The following CSMD1 variants were observed in gnomAD, a reference collection of about 807,000 sequenced individuals.
CSMD1 encodes CUB and sushi domain-containing protein 1.
A neutral mutation model predicts 417.5 loss-of-function variants in CSMD1; 213 were observed. The observed-to-expected ratio is 0.51, with a 90% CI of 0.46 to 0.57. The LOEUF (loss-of-function observed/expected upper bound fraction) is 0.57, where lower values mean the gene tolerates loss of function less well. Among genes scored for constraint, CSMD1 ranks in the 20% least tolerant of loss-of-function variants. The pLI is 0.00. For missense variants in CSMD1, 6,923 were observed against 4,529.7 expected, an observed-to-expected ratio of 1.53 and a Z score of -15.17; for synonymous variants, 2,862 against 1,736.8, an observed-to-expected ratio of 1.65 and a Z score of -16.11.
chr8:3,518,116 C>G (rs1194932788), intron 10 of CSMD1, among the ~76,000 whole-genome samples: 2 of 151,104 alleles, frequency 1.3e-5, no homozygotes, highest in Non-Finnish European at 2.9e-5. Flanking sequence ...ATTATAACTA[C>G]AAAACAATAT....
chr8:4,150,389 T>G (rs777284208), intron 3 of CSMD1, among the ~76,000 whole-genome samples: 3 of 152,202 alleles, frequency 2.0e-5, no homozygotes, highest in Non-Finnish European at 4.4e-5. Flanking sequence ...TGGCTACCTT[T>G]GGAAGTAATG....
intron 1 of CSMD1, among the ~76,000 whole-genome samples, chr8:4,723,756 C>G (rs1353804286): frequency 7.9e-6 from 1 of 127,118 alleles, no homozygotes; most frequent in Non-Finnish European, 1.6e-5. Flanking sequence ...CTGTAAGAAT[C>G]TAAAATGTAA....
At chr8:4,378,475 G>C (rs773138715) in intron 3 of CSMD1, among the ~76,000 whole-genome samples, 2 of 152,110 alleles carry the variant, frequency 1.3e-5, no homozygotes, top group African/African-American at 2.4e-5. Context: ...TGTCTCCCTA[G>C]TTTTTATCCC....
chr8:3,513,513 C>G (rs1019458691), intron 10 of CSMD1, among the ~76,000 whole-genome samples: 4 of 152,022 alleles, frequency 2.6e-5, no homozygotes, highest in Non-Finnish European at 4.4e-5. Flanking sequence ...GTCAATACTC[C>G]TTAATAAAAT....
At chr8:3,517,593 C>G (rs1310321367) in intron 10 of CSMD1, among the ~76,000 whole-genome samples, 1 of 152,160 alleles carries the variant, frequency 6.6e-6, no homozygotes, top group African/African-American at 2.4e-5. Flanking sequence ...ATACCAAATA[C>G]AGGCTGAGGG....
intron 49 of CSMD1, among the ~76,000 whole-genome samples, chr8:3,062,571 C>A (rs1460865649): frequency 1.4e-5 from 2 of 144,112 alleles, no homozygotes; most frequent in Non-Finnish European, 1.5e-5. Flanking sequence ...AAAAAAAAAG[C>A]CCAGCAGCTA....
chr8:3,000,216 TA>T, intron 52 of CSMD1, 85 bp from the exon 53 acceptor site: 1 of 939,754 alleles, frequency 1.1e-6, no homozygotes, highest in Non-Finnish European at 1.5e-6. Context: ...ATCAAGTCAA[TA>T]ACAGTATTGA....
intron 7 of CSMD1, among the ~76,000 whole-genome samples, chr8:3,621,057 G>C (rs1053285055): frequency 2.0e-5 from 3 of 152,116 alleles, no homozygotes; most frequent in Non-Finnish European, 4.4e-5. Context: ...AATACATAAA[G>C]GAAAGTCCAT....
At chr8:3,241,884 G>A (rs1357548423) in intron 26 of CSMD1, among the ~76,000 whole-genome samples, 1 of 151,846 alleles carries the variant, frequency 6.6e-6, no homozygotes. Context: ...CCTGTTGTGG[G>A]GTTTGAGGGC....
chr8:4,650,645 T>C (rs543654039), intron 1 of CSMD1, among the ~76,000 whole-genome samples: 118 of 143,378 alleles, frequency 8.2e-4, no homozygotes, highest in Non-Finnish European at 1.5e-3. Flanking sequence ...TTCGAGTCTG[T>C]GGCCTTGAGT....
intron 18 of CSMD1, among the ~76,000 whole-genome samples, chr8:3,374,911 G>A (rs960609165): frequency 1.3e-5 from 2 of 152,154 alleles, no homozygotes; most frequent in African/African-American, 4.8e-5. Context: ...TTGTTGCCTG[G>A]AACTCAGAAA....
chr8:4,184,914 G>T (rs772709786), intron 3 of CSMD1, among the ~76,000 whole-genome samples: 1 of 151,974 alleles, frequency 6.6e-6, no homozygotes, highest in Non-Finnish European at 1.5e-5. Context: ...CCTCTGGGTG[G>T]ATCACCTGAG....
intron 2 of CSMD1, among the ~76,000 whole-genome samples, chr8:4,572,420 T>C (rs1452098170): frequency 6.6e-6 from 1 of 152,198 alleles, no homozygotes; most frequent in Admixed American, 6.5e-5. Flanking sequence ...AAAATACTTT[T>C]CTTCAAGAAT....
chr8:3,649,315 T>C (rs1797729373), intron 7 of CSMD1, among the ~76,000 whole-genome samples: 1 of 152,212 alleles, frequency 6.6e-6, no homozygotes, highest in Non-Finnish European at 1.5e-5. Flanking sequence ...CTCTTACAAA[T>C]CTACCTGCAT....
rs959682987 is a variant in CSMD1, at chr8:3,129,986, AAAAAG to A, written c.6242-11404_6242-11400del. Reference sequence around the variant, plus strand: ...ACAGAGTGAGACTCTGTCCCAAAAAAAAAAGAAAAGAAAAGTTAAATGTTGAATAT... The same window carrying A: ...ACAGAGTGAGACTCTGTCCCAAAAAAAAAAGAAAAGTTAAATGTTGAATAT... On this transcript the variant is annotated intron_variant, in intron 41 of 69. Transcript: ENST00000635120. 7.7e-4 allele frequency among the ~76,000 whole-genome samples: 118 copies of A among 152,266 alleles called. 2 individuals are homozygous for A. Among genetic ancestry groups the A allele is most frequent in the Non-Finnish European group, 5.1e-4 (35 of 68,016 alleles).
chr8:4,174,056 G>T (rs1584957298), intron 3 of CSMD1, among the ~76,000 whole-genome samples: 1 of 152,248 alleles, frequency 6.6e-6, no homozygotes, highest in African/African-American at 2.4e-5. Context: ...TTTAGGCCTG[G>T]GCCACCTGCC....
intron 18 of CSMD1, among the ~76,000 whole-genome samples, chr8:3,379,356 C>A (rs1218320387): frequency 6.6e-6 from 1 of 152,202 alleles, no homozygotes; most frequent in East Asian, 1.9e-4. Flanking sequence ...CTATCCCCAT[C>A]AAGCTACCAT....
At position 3,219,327 on chromosome 8, in the gene CSMD1, C is replaced by T. The variant is rs774972354; in HGVS notation, c.4600G>A (p.Gly1534Arg). ...SQAPERIESS[G>R]NSLFLAFRSD... ...CGAAATGCCAGAAACAGGCTGTTTC[C>T]GCTACTCTCTATTCTTTCTGGGGCC... Residue 1534 changes from glycine to arginine, a missense_variant, in exon 29 of 70, where the codon GGA becomes AGA. Coordinates refer to ENST00000635120, the MANE Select transcript of CSMD1 (RefSeq NM_033225.6). The T allele has an allele frequency of 2.3e-5, 37 of 1,586,140 alleles. No individual in the cohort carries two copies. Among genetic ancestry groups the T allele is most frequent in the African/African-American group, 2.7e-5 (2 of 74,442 alleles).
intron 11 of CSMD1, among the ~76,000 whole-genome samples, chr8:3,489,537 A>T (rs887297974): frequency 6.6e-6 from 1 of 152,230 alleles, no homozygotes; most frequent in Non-Finnish European, 1.5e-5. Flanking sequence ...CAATAGATGT[A>T]CTTGGAAAGA....
Sources: allele counts gnomAD v4.1 joint callset (sites outside exome capture counted in the v4.1 genomes callset), GRCh38; gene constraint gnomAD v4.1.1; transcripts MANE v1.5; gene names NCBI Gene and HGNC (gene_info 2026-07-23, HGNC 2026-07-21).